The following LHFPL3 variants were observed in gnomAD, a reference collection of about 807,000 sequenced individuals.
The protein encoded by LHFPL3 is LHFPL tetraspan subfamily member 3 protein.
In LHFPL3, 5 loss-of-function variants were observed where a neutral mutation model predicts 19.3. The ratio of observed to expected loss-of-function variants is 0.26; its 90% CI spans 0.14 to 0.54. The LOEUF is 0.54. Among genes scored for constraint, LHFPL3 ranks in the 20% least tolerant of loss-of-function variants. The pLI is 0.94. For synonymous variants in LHFPL3, 133 were observed against 126.2 expected (o/e 1.05, Z -0.36); for missense variants, 249 against 307.4 (o/e 0.81, Z 1.42).
chr7:104,486,951 C>A (rs1376004023), intron 1 of LHFPL3, among the ~76,000 whole-genome samples: 3 of 151,968 alleles, frequency 2.0e-5, no homozygotes, highest in African/African-American at 7.3e-5. Flanking sequence ...TTTGGCATTG[C>A]TTTAGCTCTA....
intron 1 of LHFPL3, among the ~76,000 whole-genome samples, chr7:104,558,638 A>C (rs1044066221): frequency 2.0e-5 from 3 of 150,166 alleles, no homozygotes; most frequent in East Asian, 1.9e-4. Context: ...TTGCCTGTTC[A>C]CTCTGATGGT....
At chr7:104,524,891 A>AT (rs1190578172) in intron 1 of LHFPL3, among the ~76,000 whole-genome samples, 6 of 152,046 alleles carry the variant, frequency 3.9e-5, no homozygotes, top group Admixed American at 2.6e-4. Flanking sequence ...GTTTTTATTC[A>AT]TTTTTTTCTG....
intron 1 of LHFPL3, among the ~76,000 whole-genome samples, chr7:104,733,121 G>A (rs1584503220): frequency 6.6e-6 from 1 of 152,154 alleles, no homozygotes; most frequent in Admixed American, 6.6e-5. Context: ...TTTTACATTT[G>A]CTGAGGAGTG....
intron 1 of LHFPL3, among the ~76,000 whole-genome samples, chr7:104,471,500 C>G (rs1298407100): frequency 1.3e-5 from 2 of 152,178 alleles, no homozygotes; most frequent in African/African-American, 4.8e-5. Context: ...CATGAGGAAA[C>G]AGATGTTTAG....
chr7:104,749,332 A>T (rs1180859362), intron 2 of LHFPL3, among the ~76,000 whole-genome samples: 2 of 152,294 alleles, frequency 1.3e-5, no homozygotes, highest in Non-Finnish European at 2.9e-5. Flanking sequence ...CAATATAATG[A>T]ATAATATAAC....
intron 2 of LHFPL3, among the ~76,000 whole-genome samples, chr7:104,878,222 C>T (rs750700074): frequency 6.6e-6 from 1 of 152,040 alleles, no homozygotes; most frequent in Non-Finnish European, 1.5e-5. Context: ...TACAGGCACA[C>T]CTCATATTTA....
intron 2 of LHFPL3, among the ~76,000 whole-genome samples, chr7:104,783,326 G>A (rs1299480585): frequency 1.3e-5 from 2 of 152,200 alleles, no homozygotes; most frequent in Non-Finnish European, 2.9e-5. Context: ...CCTTCTCACA[G>A]TATAGTACAA....
intron 1 of LHFPL3, among the ~76,000 whole-genome samples, chr7:104,489,051 G>A (rs112266940): frequency 6.6e-6 from 1 of 150,972 alleles, no homozygotes; most frequent in Non-Finnish European, 1.5e-5. Context: ...TTGAAATCTT[G>A]CTGCTCTACT....
intron 1 of LHFPL3, among the ~76,000 whole-genome samples, chr7:104,401,536 A>G (rs1791311948): frequency 6.6e-6 from 1 of 152,358 alleles, no homozygotes; most frequent in Non-Finnish European, 1.5e-5. Context: ...ATAACCTTTT[A>G]GATAACTTAG....
intron 1 of LHFPL3, among the ~76,000 whole-genome samples, chr7:104,590,228 C>T (rs1390020954): frequency 6.6e-6 from 1 of 152,084 alleles, no homozygotes; most frequent in Non-Finnish European, 1.5e-5. Context: ...TAGATCTTTC[C>T]TGCTTTCTCT....
intron 1 of LHFPL3, among the ~76,000 whole-genome samples, chr7:104,698,588 G>A (rs960922115): frequency 6.6e-5 from 10 of 152,180 alleles, no homozygotes; most frequent in Admixed American, 2.0e-4. Context: ...AGTTGAAAAT[G>A]TATGTCCACA....
intron 1 of LHFPL3, among the ~76,000 whole-genome samples, chr7:104,494,505 T>C (rs1793419192): frequency 6.6e-6 from 1 of 152,170 alleles, no homozygotes. Context: ...CCTTTCCTTC[T>C]TCATCATCTT....
At chr7:104,420,525 G>A (rs6976167) in intron 1 of LHFPL3, among the ~76,000 whole-genome samples, 16,165 of 151,600 alleles carry the variant, frequency 0.11, 1,023 homozygotes, top group East Asian at 0.26. Context: ...TAAGCTGTAC[G>A]TGGTTACTGG....
intron 2 of LHFPL3, among the ~76,000 whole-genome samples, chr7:104,842,630 CCTT>C (rs1791236215): frequency 2.6e-5 from 4 of 152,140 alleles, no homozygotes; most frequent in Non-Finnish European, 5.9e-5. Flanking sequence ...AAAATAATGA[CCTT>C]CTTCATCTGT....
intron 1 of LHFPL3, among the ~76,000 whole-genome samples, chr7:104,492,635 T>A (rs1303710974): frequency 6.6e-6 from 1 of 152,244 alleles, no homozygotes; most frequent in East Asian, 1.9e-4. Context: ...ATGTTTGAAA[T>A]TTTTATGTAA....
At chr7:104,650,417 G>C (rs926421530) in intron 1 of LHFPL3, among the ~76,000 whole-genome samples, 1 of 152,210 alleles carries the variant, frequency 6.6e-6, no homozygotes, top group Non-Finnish European at 1.5e-5. Context: ...GTTCCTCACT[G>C]CTTCCCCCTA....
At chr7:104,606,410 A>T (rs1033969448) in intron 1 of LHFPL3, among the ~76,000 whole-genome samples, 3 of 152,242 alleles carry the variant, frequency 2.0e-5, no homozygotes, top group Non-Finnish European at 4.4e-5. Flanking sequence ...GTTTTCAACA[A>T]GCTGACAGAG....
At chr7:104,443,142 G>A (rs1223130065) in intron 1 of LHFPL3, among the ~76,000 whole-genome samples, 1 of 152,150 alleles carries the variant, frequency 6.6e-6, no homozygotes, top group African/African-American at 2.4e-5. Context: ...AATGTGGCTG[G>A]TAGAAACTTG....
intron 1 of LHFPL3, among the ~76,000 whole-genome samples, chr7:104,644,306 T>C (rs1791889686): frequency 6.6e-6 from 1 of 152,212 alleles, no homozygotes; most frequent in Non-Finnish European, 1.5e-5. Flanking sequence ...CCCATAGCCC[T>C]TGTGCAAACA....
Sources: allele counts gnomAD v4.1 joint callset (sites outside exome capture counted in the v4.1 genomes callset), GRCh38; gene constraint gnomAD v4.1.1; transcripts MANE v1.5; gene names NCBI Gene and HGNC (gene_info 2026-07-23, HGNC 2026-07-21).